Variants in SEZ6L2 observed in about 807,000 individuals in gnomAD.
The protein encoded by SEZ6L2 is seizure 6-like protein 2.
SEZ6L2 carries 44 observed loss-of-function variants against 97.0 expected under a neutral mutation model. That is an observed-to-expected ratio of 0.45 (90% CI 0.36 to 0.58). The LOEUF (loss-of-function observed/expected upper bound fraction) is 0.58, where lower values mean the gene tolerates loss of function less well. Ranked by LOEUF, SEZ6L2 falls within the 20% of genes least tolerant of loss-of-function variation. The pLI, the probability that SEZ6L2 is intolerant of heterozygous loss-of-function variation, is 0.00. For synonymous variants in SEZ6L2, 543 were observed against 546.1 expected, an observed-to-expected ratio of 0.99 and a Z score of 0.08; for missense variants, 1,086 against 1,233.3, an observed-to-expected ratio of 0.88 and a Z score of 1.79.
chr16:29,876,784 C>T lies in SEZ6L2; in HGVS notation c.2076G>A (p.Trp692Ter). The change falls in exon 12 of 18, where the codon TGG becomes TGA. Residue 692 changes from tryptophan to a stop codon, truncating the protein, a stop_gained. Transcript: ENST00000617533. LOFTEE classifies it high-confidence loss of function. This position sits in a 1 kb window ranked among gnomAD's most constrained non-coding sequence, Gnocchi z 6.5. Reference sequence around the variant, plus strand: ...TTTGGCAGGCGGGCGGCGCGGCGCTCCAAGACAGGTCCCACTGGCAAGTGA... The same window carrying T: ...TTTGGCAGGCGGGCGGCGCGGCGCTTCAAGACAGGTCCCACTGGCAAGTGA... ...DILTCQWDLSWSAAPPACQKI... is the reference protein window; with the variant it reads ...DILTCQWDLS 6.4e-7 allele frequency: 1 copy of T among 1,571,538 alleles called. No individual in the cohort carries two copies.
chr16:29,896,692 A>G, intron 3 of SEZ6L2, 130 bp downstream of exon 3: 1 of 741,482 alleles, frequency 1.3e-6, no homozygotes, highest in Admixed American at 2.7e-5. Context: ...CAGAAATGCT[A>G]CCTTTGTTAT....
In SEZ6L2 at chr16:29,897,108, G is replaced by A; in HGVS notation, c.225C>T (p.Asp75=). The change falls in exon 3 of 18, where the codon GAC becomes GAT. Residue 75 remains aspartate, a synonymous_variant. Transcript: ENST00000617533. ...EMGYLPGSDR[D]PTLATPPAGQ... is the part of the protein sequence containing the mutation. The stretch of plus-strand genomic sequence containing the variant: ...CGGCCGGAGGGGTGGCTAGCGTGGG[G>A]TCCCGATCAGATCCTGGGACAGTGC... The A allele has an allele frequency of 1.3e-6, 2 of 1,574,158 alleles. No homozygotes were observed. Among genetic ancestry groups the A allele is most frequent in the Non-Finnish European group, 8.6e-7 (1 of 1,166,940 alleles).
In SEZ6L2 at chr16:29,898,923, A is replaced by G. The variant is rs774523699; in HGVS notation, c.79+18T>C. ...GGACGCCTTCCTGGGGCCCACCCCC[A>G]CAGTCTCATGTCCTTACCCTGGATC... On this transcript the variant is annotated intron_variant, in intron 1 of 17. Transcript: ENST00000617533. 6.3e-7 allele frequency: 1 copy of G among 1,598,870 alleles called. No individual in the cohort carries two copies. The highest frequency in any genetic ancestry group is 1.7e-5 in the Admixed American group (1 of 59,076).
In SEZ6L2 at chr16:29,873,297, T is replaced by C; in HGVS notation, c.2431A>G (p.Ile811Val). ...GAGGGGTGGCCGGGCACACAGGTGA[T>C]GGTGACCTCGCCGATAAGCTCAAAG... The part of the protein sequence containing the change: ...EGFELIGEVT[I>V]TCVPGHPSQW... Residue 811 changes from isoleucine to valine, a missense_variant, in exon 14 of 18, where the codon ATC (isoleucine) becomes GTC (valine). Physicochemically the swap from Ile to Val is conservative, Grantham distance 29. Transcript: ENST00000617533. This position sits in a 1 kb window ranked among gnomAD's most constrained non-coding sequence, Gnocchi z 4.3. The C allele has an allele frequency of 6.2e-7, 1 of 1,614,202 alleles. No individual in the cohort carries two copies. The highest frequency in any genetic ancestry group is 8.5e-7 in the Non-Finnish European group (1 of 1,180,034).
At chr16:29,878,805 C>T (rs1193180473) in intron 9 of SEZ6L2, among the ~76,000 whole-genome samples, 2 of 144,142 alleles carry the variant, frequency 1.4e-5, no homozygotes, top group Non-Finnish European at 3.0e-5. Context: ...CGGGGTTTTA[C>T]GGTGTTAGCC....
rs1489002752 is a variant in SEZ6L2 at position 29,888,537 on chromosome 16, C to T, written c.1039+3G>A. ...GCCCCACCCACTGTGGCAGGAGACT[C>T]ACCCATGCAGCTGGGGGTTTCACCG... On this transcript the variant is annotated splice_donor_region_variant and intron_variant, in intron 6 of 17. Transcript: ENST00000617533. The T allele has an allele frequency of 6.2e-7, 1 of 1,612,888 alleles. No homozygotes were observed. Among genetic ancestry groups the T allele is most frequent in the Admixed American group, 1.7e-5 (1 of 59,954 alleles).
chr16:29,877,161 C>T, intron 11 of SEZ6L2, 110 bp downstream of exon 11: 1 of 1,263,672 alleles, frequency 7.9e-7, no homozygotes, highest in Non-Finnish European at 1.1e-6. Context: ...CCTCCCGCCT[C>T]GGCCTCCCAA....
intron 5 of SEZ6L2, among the ~76,000 whole-genome samples, chr16:29,891,096 C>A (rs942930319): frequency 6.6e-6 from 1 of 152,038 alleles, no homozygotes; most frequent in African/African-American, 2.4e-5. Flanking sequence ...CATGTGCCAC[C>A]ATGCCCAGCT....
At chr16:29,896,637 T>C (rs1445227168) in intron 3 of SEZ6L2, among the ~76,000 whole-genome samples, 185 bp downstream of exon 3, 6 of 152,200 alleles carry the variant, frequency 3.9e-5, no homozygotes, top group South Asian at 2.1e-4. Flanking sequence ...CCAACTGTTA[T>C]ATAGCTGAAA....
rs200704520 is a variant in SEZ6L2 at position 29,897,934 on chromosome 16, G to A, written c.130C>T (p.Pro44Ser). Residue 44 changes from proline (P) to serine (S), a missense_variant, in exon 2 of 18, where the codon CCC becomes TCC. By Grantham distance (74) the Pro-to-Ser change is moderately conservative (BLOSUM62 -1). This residue lies in a region of SEZ6L2 where 776 missense variants were observed against 794.7 expected (regional missense o/e 0.98). Transcript: ENST00000617533. ...EILPEPGSET[P>S]TVASEALAEL... ...GCCAGGGCCTCAGAGGCCACCGTGGGGGTCTCACTTCCAGGCTCTGGCAAT... is the reference window on the plus strand; with the variant it reads ...GCCAGGGCCTCAGAGGCCACCGTGGAGGTCTCACTTCCAGGCTCTGGCAAT... The A allele has an allele frequency of 6.2e-7, 1 of 1,613,792 alleles. No homozygotes were observed.
Position 29,873,147 on chromosome 16 carries a change from T to A in SEZ6L2, c.2488+93A>T. 1.4e-6 allele frequency: 2 copies of A among 1,388,422 alleles called. No individual in the cohort carries two copies. Among genetic ancestry groups the A allele is most frequent in the Non-Finnish European group, 2.0e-6 (2 of 1,015,476 alleles). The allele number at this position is 1,388,422 out of a possible 1,614,324, so 86.0% of individuals were successfully genotyped here. A position where few individuals can be genotyped will look rare whatever the true frequency, so the allele number is the denominator to read the frequency against. ...GAGGAGAACCGGGAGCTCTGTGGGG[T>A]CGCCCATTGGTCTCAAATGTGCTAC... On this transcript the variant is annotated intron_variant, in intron 14 of 17. Transcript: ENST00000617533. This position sits in a 1 kb window ranked among gnomAD's most constrained non-coding sequence, Gnocchi z 4.3.
chr16:29,877,098 A>C (rs2067921569), intron 11 of SEZ6L2, 148 bp from the exon 12 acceptor site: 1 of 1,069,518 alleles, frequency 9.4e-7, no homozygotes, highest in East Asian at 2.6e-5. Context: ...AGGCTGGAGT[A>C]CAGTGGTACA....
intron 3 of SEZ6L2, among the ~76,000 whole-genome samples, chr16:29,896,257 C>A (rs1249898290): frequency 6.6e-6 from 1 of 151,358 alleles, no homozygotes; most frequent in Non-Finnish European, 1.5e-5. Flanking sequence ...CGCTGCTGTG[C>A]CCCCCTCACC....
chr16:29,897,850 C>T lies in SEZ6L2; in HGVS notation c.211+3G>A. ...GCCACTCCTGCCACTCTGGGGGCCT[C>T]ACCTGGCAGGTAGCCCATCTCTGGG... On this transcript the variant is annotated splice_donor_region_variant and intron_variant, in intron 2 of 17. Transcript: ENST00000617533. 1 of 1,601,608 alleles carries T rather than the reference C, an allele frequency of 6.2e-7. No homozygotes were observed. Among genetic ancestry groups the T allele is most frequent in the Non-Finnish European group, 8.5e-7 (1 of 1,176,380 alleles).
intron 5 of SEZ6L2, among the ~76,000 whole-genome samples, chr16:29,892,432 T>C (rs530942768): frequency 5.3e-5 from 8 of 152,336 alleles, no homozygotes; most frequent in South Asian, 4.1e-4. Flanking sequence ...GATTTCACAA[T>C]ATCTGAAATC....
At chr16:29,888,012 G>A (rs1343585080) in intron 6 of SEZ6L2, among the ~76,000 whole-genome samples, 195 bp from the exon 7 acceptor site, 2 of 152,278 alleles carry the variant, frequency 1.3e-5, no homozygotes, top group Admixed American at 6.5e-5. Flanking sequence ...AACCAGCCCC[G>A]GTACGGGAGA....
At chr16:29,885,515 C>T (rs2068118368) in intron 8 of SEZ6L2, 71 bp downstream of exon 8, 15 of 1,517,982 alleles carry the variant, frequency 9.9e-6, no homozygotes, top group East Asian at 9.1e-5. Flanking sequence ...TTTGTGCTTC[C>T]GACTATGCTT....
intron 5 of SEZ6L2, among the ~76,000 whole-genome samples, chr16:29,892,227 G>T (rs1421493499): frequency 6.6e-6 from 1 of 152,232 alleles, no homozygotes; most frequent in Non-Finnish European, 1.5e-5. Flanking sequence ...GCTAGTGCAG[G>T]TTGGGAAGGG....
chr16:29,897,864 C>A lies in SEZ6L2; in HGVS notation c.200G>T (p.Gly67Val). ...GALLRRGPEM[G>V]YLPGSDRDPT... ...TCTGGGGGCCTCACCTGGCAGGTAG[C>A]CCATCTCTGGGCCCCTCCTCAGCAG... The change falls in exon 2 of 18, where the codon GGC (glycine) becomes GTC (valine). Residue 67 changes from glycine (G) to valine (V), a missense_variant. By Grantham distance (109) the Gly-to-Val change is moderately radical. This residue lies in a region of SEZ6L2 where 776 missense variants were observed against 794.7 expected (regional missense o/e 0.98). Coordinates refer to ENST00000617533, the MANE Select transcript of SEZ6L2 (RefSeq NM_001243332.2). 6.2e-7 allele frequency: 1 copy of A among 1,605,098 alleles called. No homozygotes were observed. The highest frequency in any genetic ancestry group is 2.2e-5 in the East Asian group (1 of 44,752).
Sources: gnomAD v4.1 joint callset for allele counts (sites outside exome capture counted in the v4.1 genomes callset) on GRCh38, gnomAD v4.1.1 for gene constraint, gnomAD v4.1.1 regional missense constraint, Gnocchi (gnomAD v3.1) non-coding constraint, MANE v1.5 for transcripts, NCBI Gene and HGNC (gene_info 2026-07-23, HGNC 2026-07-21) for gene names.